The following TMEM131 variants were observed in gnomAD, a reference collection of about 807,000 sequenced individuals.
TMEM131 encodes 2610524E03Rik.
A neutral mutation model predicts 211.6 loss-of-function variants in TMEM131; 66 were observed. That is an observed-to-expected ratio of 0.31 (90% confidence interval 0.26 to 0.38). The LOEUF is 0.38. Among genes scored for constraint, TMEM131 ranks in the 10% least tolerant of loss-of-function variants. The pLI is 1.00. For missense variants in TMEM131, 2,036 were observed against 2,299.3 expected (o/e 0.89, Z 2.34); for synonymous variants, 844 against 841.3 (o/e 1.00, Z -0.06).
At chr2:97,818,519 C>CAG (rs1159818457) in intron 12 of TMEM131, 94 bp downstream of exon 12, 8 of 495,494 alleles carry the variant, frequency 1.6e-5, no homozygotes, top group African/African-American at 2.5e-5. Flanking sequence ...GATGGTAAAA[C>CAG]AGTTTGGATT....
At chr2:97,993,833 A>G (rs1163429946) in intron 1 of TMEM131, among the ~76,000 whole-genome samples, 1 of 152,262 alleles carries the variant, frequency 6.6e-6, no homozygotes, top group Non-Finnish European at 1.5e-5. Context: ...AGGTTTGTTT[A>G]CTTAACTTTA....
intron 1 of TMEM131, among the ~76,000 whole-genome samples, chr2:97,956,703 T>C (rs931901468): frequency 6.6e-6 from 1 of 152,152 alleles, no homozygotes. Context: ...TTTTTTTTAC[T>C]ACTAAACATG....
At position 97,995,889 on chromosome 2, in the gene TMEM131, G is replaced by T. The variant is rs905915849; in HGVS notation, c.-227C>A. The T allele has an allele frequency of 1.3e-5, 3 of 235,766 alleles. No individual in the cohort carries two copies. Among genetic ancestry groups the T allele is most frequent in the Non-Finnish European group, 2.4e-5 (3 of 125,570 alleles). The allele number at this position is 235,766 out of a possible 1,614,324, so 14.6% of individuals were successfully genotyped here. On this transcript the variant is annotated 5_prime_UTR_variant, in exon 1 of 41. Transcript: ENST00000186436. The stretch of plus-strand genomic sequence containing the variant: ...GCATCGCCTACAAGCAGTCGGAGCG[G>T]AGAGGCCGCGGGTCAGGCGCGGCGG...
chr2:97,937,082 G>A (rs1677479644), intron 1 of TMEM131, among the ~76,000 whole-genome samples: 1 of 152,038 alleles, frequency 6.6e-6, no homozygotes, highest in Non-Finnish European at 1.5e-5. Flanking sequence ...GCAATCAACA[G>A]TAATGGTCCC....
intron 25 of TMEM131, among the ~76,000 whole-genome samples, chr2:97,801,363 A>G (rs6543108): frequency 0.75 from 114,380 of 152,182 alleles, 44,678 homozygotes; most frequent in African/African-American, 0.87. Flanking sequence ...AGCCTGGCCT[A>G]AATAATAGAA....
intron 1 of TMEM131, among the ~76,000 whole-genome samples, chr2:97,938,344 C>A (rs939076761): frequency 2.0e-5 from 3 of 151,990 alleles, no homozygotes; most frequent in Non-Finnish European, 4.4e-5. Context: ...ATCTGCCAAG[C>A]AAATGGAAAT....
At chr2:97,871,803 A>G (rs1313326794) in intron 4 of TMEM131, among the ~76,000 whole-genome samples, 4 of 152,352 alleles carry the variant, frequency 2.6e-5, no homozygotes, top group Admixed American at 2.6e-4. Flanking sequence ...TCATGTTAGT[A>G]AAACTCTTTA....
chr2:97,973,497 A>G (rs1679396328), intron 1 of TMEM131, among the ~76,000 whole-genome samples: 1 of 152,186 alleles, frequency 6.6e-6, no homozygotes, highest in Non-Finnish European at 1.5e-5. Context: ...CAAAGCTGAG[A>G]GTCCGAGGAA....
chr2:97,961,436 G>A (rs1041038959), intron 1 of TMEM131, among the ~76,000 whole-genome samples: 9 of 152,112 alleles, frequency 5.9e-5, no homozygotes, highest in African/African-American at 2.2e-4. Context: ...TAAATAAAGA[G>A]ATGAATCTTG....
In TMEM131 at chr2:97,888,101, T is replaced by A. The variant is rs534851604; in HGVS notation, c.310A>T (p.Asn104Tyr). The A allele has an allele frequency of 6.2e-7, 1 of 1,613,426 alleles. No homozygotes were observed. The highest frequency in any genetic ancestry group is 8.5e-7 in the Non-Finnish European group (1 of 1,179,538). Reference sequence around the variant, plus strand: ...GGCTCAAATCGTATGGGCCTGCAATTCCCCCGGTAGAGAGATATACTGTAA... The same window carrying A: ...GGCTCAAATCGTATGGGCCTGCAATACCCCCGGTAGAGAGATATACTGTAA... ...QQKSISLYRG[N>Y]CRPIRFEPPM... Residue 104 changes from asparagine to tyrosine, a missense_variant, in exon 4 of 41, where the codon AAT becomes TAT. By Grantham distance (143) the Asn-to-Tyr change is moderately radical. Coordinates refer to ENST00000186436, the MANE Select transcript of TMEM131 (RefSeq NM_015348.2).
At chr2:97,786,900 G>GT (rs986666363) in intron 31 of TMEM131, among the ~76,000 whole-genome samples, 2 of 152,198 alleles carry the variant, frequency 1.3e-5, no homozygotes, top group Non-Finnish European at 2.9e-5. Flanking sequence ...CCAGCAAACT[G>GT]TTTTTTCCAG....
At chr2:97,982,607 T>G (rs765015659) in intron 1 of TMEM131, among the ~76,000 whole-genome samples, 1 of 152,208 alleles carries the variant, frequency 6.6e-6, no homozygotes, top group African/African-American at 2.4e-5. Flanking sequence ...ATGTCTGTGG[T>G]AGGCTGAATA....
At chr2:97,917,367 T>G (rs1210498295) in intron 2 of TMEM131, among the ~76,000 whole-genome samples, 1 of 152,148 alleles carries the variant, frequency 6.6e-6, no homozygotes, top group African/African-American at 2.4e-5. Context: ...CCAGAATCAT[T>G]AAGTCCCTAC....
chr2:97,850,404 G>A (rs1469908917), intron 5 of TMEM131, among the ~76,000 whole-genome samples: 1 of 152,072 alleles, frequency 6.6e-6, no homozygotes, highest in African/African-American at 2.4e-5. Context: ...ATAGAGGTGT[G>A]TGGTCTGAAT....
chr2:97,956,526 G>A (rs1468479634), intron 1 of TMEM131, among the ~76,000 whole-genome samples: 1 of 151,558 alleles, frequency 6.6e-6, no homozygotes, highest in Non-Finnish European at 1.5e-5. Flanking sequence ...ATAAATAACA[G>A]GTCATACTCC....
chr2:97,794,013 A>C (rs1680637754), intron 29 of TMEM131, among the ~76,000 whole-genome samples: 1 of 148,002 alleles, frequency 6.8e-6, no homozygotes, highest in Non-Finnish European at 1.5e-5. Flanking sequence ...AAAAAAAAAA[A>C]AACAAAAAAC....
At chr2:97,880,970 T>G (rs1573502128) in intron 4 of TMEM131, among the ~76,000 whole-genome samples, 1 of 152,152 alleles carries the variant, frequency 6.6e-6, no homozygotes, top group Non-Finnish European at 1.5e-5. Context: ...TGGTGCCAGG[T>G]GCCATGCACT....
intron 38 of TMEM131, chr2:97,759,981 C>A: frequency 2.1e-6 from 1 of 481,248 alleles, no homozygotes; most frequent in Non-Finnish European, 3.7e-6. Context: ...AGGTTCAAAG[C>A]AAGTGTTTTG....
chr2:97,902,544 A>G (rs1675899141), intron 3 of TMEM131, among the ~76,000 whole-genome samples: 1 of 152,228 alleles, frequency 6.6e-6, no homozygotes. Context: ...TATACTGTAC[A>G]TATTTATACA....
Sources: gnomAD v4.1 joint callset for allele counts (sites outside exome capture counted in the v4.1 genomes callset) on GRCh38, gnomAD v4.1.1 for gene constraint, MANE v1.5 for transcripts, NCBI Gene and HGNC (gene_info 2026-07-23, HGNC 2026-07-21) for gene names.